RCAN2: variants seen among roughly 807,000 people sequenced by gnomAD.
The protein encoded by RCAN2 is calcipressin-2.
In RCAN2, 9 loss-of-function variants were observed where a neutral mutation model predicts 23.6. That is an observed-to-expected ratio of 0.38 (90% CI 0.23 to 0.67). The LOEUF (loss-of-function observed/expected upper bound fraction) is 0.67, where lower values mean the gene tolerates loss of function less well. RCAN2 is among the 30% of genes least tolerant of loss of function. The probability of loss-of-function intolerance (pLI) is 0.51; values close to 1 mark genes in which losing one functional copy is unlikely to be tolerated. For missense variants in RCAN2, 273 were observed against 302.3 expected, an observed-to-expected ratio of 0.90 and a Z score of 0.72; for synonymous variants, 109 against 115.7, an observed-to-expected ratio of 0.94 and a Z score of 0.37.
intron 2 of RCAN2, among the ~76,000 whole-genome samples, chr6:46,265,291 G>A (rs763892581): frequency 1.3e-5 from 2 of 152,162 alleles, no homozygotes; most frequent in East Asian, 3.8e-4. Context: ...GTATGGGTGT[G>A]TGTATATGTG....
intron 2 of RCAN2, among the ~76,000 whole-genome samples, chr6:46,288,206 G>C (rs549550247): frequency 6.6e-6 from 1 of 152,346 alleles, no homozygotes; most frequent in East Asian, 1.9e-4. Context: ...ACGATAGAAG[G>C]CTGTTGGGAA....
At chr6:46,414,171 A>C (rs1276940969) in intron 2 of RCAN2, among the ~76,000 whole-genome samples, 1 of 152,198 alleles carries the variant, frequency 6.6e-6, no homozygotes, top group Non-Finnish European at 1.5e-5. Flanking sequence ...TTAATTTTCT[A>C]TTCTAAATAT....
rs9367248 is a variant in RCAN2 at position 46,466,040 on chromosome 6, A to G, written c.-2-9062T>C. Among the ~76,000 whole-genome samples the G allele has an allele frequency of 1.3e-3, 196 of 152,328 alleles. 3 individuals are homozygous for G. The East Asian group carries it at 0.035, about 27-fold the overall frequency. ...GAATGAGTGGCTCTGTATATAGTAGAGAATGCCTGCACCACTGGGGGAGAT... is the reference window on the plus strand; with the variant it reads ...GAATGAGTGGCTCTGTATATAGTAGGGAATGCCTGCACCACTGGGGGAGAT... On this transcript the variant is annotated intron_variant, in intron 1 of 4. Transcript: ENST00000371374.
intron 2 of RCAN2, among the ~76,000 whole-genome samples, chr6:46,431,342 A>G (rs1408374580): frequency 1.3e-5 from 2 of 152,108 alleles, no homozygotes; most frequent in African/African-American, 4.8e-5. Flanking sequence ...AAGTGCTGGG[A>G]TTACAGGTGT....
chr6:46,406,222 C>T (rs1582176376), intron 2 of RCAN2, among the ~76,000 whole-genome samples: 1 of 152,224 alleles, frequency 6.6e-6, no homozygotes, highest in South Asian at 2.1e-4. Context: ...CACAGTGCAG[C>T]GGCGGGCCAA....
intron 2 of RCAN2, among the ~76,000 whole-genome samples, chr6:46,364,858 G>A (rs1326702256): frequency 3.3e-5 from 5 of 152,002 alleles, no homozygotes; most frequent in Non-Finnish European, 1.5e-5. Context: ...TCTCCCTCTC[G>A]CTCACTTTGC....
chr6:46,432,356 G>T (rs1286965021), intron 2 of RCAN2, among the ~76,000 whole-genome samples: 1 of 152,026 alleles, frequency 6.6e-6, no homozygotes. Flanking sequence ...TGGGATTACA[G>T]GCATGTGCCA....
At chr6:46,361,289 T>C (rs983586745) in intron 2 of RCAN2, among the ~76,000 whole-genome samples, 4 of 152,158 alleles carry the variant, frequency 2.6e-5, no homozygotes, top group South Asian at 2.1e-4. Flanking sequence ...CTGAAACCTC[T>C]GTGCACAAGA....
rs551676637 is a variant in RCAN2 at position 46,447,556 on chromosome 6, C to G, written c.225+9196G>C. Among the ~76,000 whole-genome samples the G allele has an allele frequency of 2.9e-4, 44 of 151,938 alleles. No individual in the cohort carries two copies. In the South Asian group the frequency reaches 7.3e-3, roughly 25 times the overall value. On this transcript the variant is annotated intron_variant, in intron 2 of 4. Transcript: ENST00000371374. ...CAGCAGGATATATATACATTCTTTT[C>G]AAGTGTACACATAATATTCTCTAGG...
chr6:46,314,393 A>C (rs1763362936), intron 2 of RCAN2, among the ~76,000 whole-genome samples: 1 of 151,124 alleles, frequency 6.6e-6, no homozygotes, highest in Admixed American at 6.6e-5. Context: ...AAGAAAAAAA[A>C]CCACAAAAAA....
intron 2 of RCAN2, among the ~76,000 whole-genome samples, chr6:46,373,509 G>C (rs1355761785): frequency 6.6e-6 from 1 of 152,118 alleles, no homozygotes; most frequent in East Asian, 1.9e-4. Flanking sequence ...TGCCCACCTA[G>C]GCCTCCTAAA....
In RCAN2 at chr6:46,222,162, T is replaced by C. The variant is rs1385447509; in HGVS notation, c.*979A>G. 7.6e-6 allele frequency: 3 copies of C among 394,678 alleles called. No individual in the cohort carries two copies. Among genetic ancestry groups the C allele is most frequent in the Non-Finnish European group, 1.3e-5 (3 of 223,858 alleles). The allele number at this position is 394,678 out of a possible 1,614,324, so 24.4% of individuals were successfully genotyped here. On this transcript the variant is annotated 3_prime_UTR_variant, in exon 5 of 5. Coordinates refer to ENST00000371374, the MANE Select transcript of RCAN2 (RefSeq NM_001251974.2). ...TTTCAAAATTCAGCATTATCCTTAT[T>C]AGAGTGTAATATTATCAGAGTATCT...
At chr6:46,339,891 C>T (rs6911147) in intron 2 of RCAN2, among the ~76,000 whole-genome samples, 63,774 of 151,480 alleles carry the variant, frequency 0.42, 14,803 homozygotes, top group East Asian at 0.6. Flanking sequence ...TAGGCTACCT[C>T]AGTGGAAAGC....
intron 2 of RCAN2, among the ~76,000 whole-genome samples, chr6:46,326,355 T>A (rs1458885714): frequency 6.6e-6 from 1 of 152,112 alleles, no homozygotes; most frequent in Non-Finnish European, 1.5e-5. Flanking sequence ...GATGGCAGGG[T>A]CTAACGGGCA....
rs117354833 is a variant in RCAN2 at position 46,287,116 on chromosome 6, G to A, written c.226-38220C>T. Among the ~76,000 whole-genome samples the A allele has an allele frequency of 8.5e-5, 13 of 152,288 alleles. No homozygotes were observed. In the East Asian group the frequency reaches 2.3e-3, roughly 27 times the overall value. Reference sequence around the variant, plus strand: ...CAGAGCCTGCTATCATGCCATGGTGGAGAATGGGAAGAGGTCCTTCAGGTA... The same window carrying A: ...CAGAGCCTGCTATCATGCCATGGTGAAGAATGGGAAGAGGTCCTTCAGGTA... On this transcript the variant is annotated intron_variant, in intron 2 of 4. Transcript: ENST00000371374.
At chr6:46,286,951 G>A (rs1762393521) in intron 2 of RCAN2, among the ~76,000 whole-genome samples, 1 of 152,010 alleles carries the variant, frequency 6.6e-6, no homozygotes, top group African/African-American at 2.4e-5. Flanking sequence ...GTTGCGGTGA[G>A]CCGAGATCGC....
intron 2 of RCAN2, among the ~76,000 whole-genome samples, chr6:46,303,034 G>A (rs1762955837): frequency 6.6e-6 from 1 of 151,970 alleles, no homozygotes; most frequent in South Asian, 2.1e-4. Context: ...ATGATTCAGT[G>A]AGGGGCAGAA....
intron 2 of RCAN2, among the ~76,000 whole-genome samples, chr6:46,255,092 C>G (rs1293774709): frequency 6.6e-6 from 1 of 152,198 alleles, no homozygotes; most frequent in African/African-American, 2.4e-5. Context: ...TTGGTTACAA[C>G]AGCCCCAGGA....
At chr6:46,286,696 C>T (rs915601072) in intron 2 of RCAN2, among the ~76,000 whole-genome samples, 2 of 152,088 alleles carry the variant, frequency 1.3e-5, no homozygotes, top group Non-Finnish European at 2.9e-5. Context: ...CAGACATGCC[C>T]AGGCAGTTAG....
Sources: gnomAD v4.1 joint callset for allele counts (sites outside exome capture counted in the v4.1 genomes callset) on GRCh38, gnomAD v4.1.1 for gene constraint, MANE v1.5 for transcripts, NCBI Gene and HGNC (gene_info 2026-07-23, HGNC 2026-07-21) for gene names.